Variants in FAM200A observed in about 807,000 individuals in gnomAD.
The protein encoded by FAM200A is ZBED8 like.
FAM200A carries 26 observed loss-of-function variants against 44.2 expected under a neutral mutation model. That is an observed-to-expected ratio of 0.59 (90% CI 0.43 to 0.82). The LOEUF (loss-of-function observed/expected upper bound fraction) is 0.82. Among genes scored for constraint, FAM200A ranks in the 40% least tolerant of loss-of-function variants. The pLI is 0.00. For missense variants in FAM200A, 606 were observed against 669.5 expected (o/e 0.91, Z 1.05); for synonymous variants, 206 against 244.4 (o/e 0.84, Z 1.47).
chr7:99,546,788 C>A lies in FAM200A; in HGVS notation c.1620G>T (p.Lys540Asn), dbSNP rs759711309. 12 of 1,551,492 alleles carry A rather than the reference C, an allele frequency of 7.7e-6. No homozygotes were observed. In the South Asian group the frequency reaches 1.2e-4, roughly 15 times the overall value. The change falls in exon 2 of 2, where the codon AAG becomes AAT. Residue 540 changes from lysine to asparagine, a missense_variant. Lys to Asn is a moderately conservative substitution (Grantham distance 94). Transcript: ENST00000449309. ...CTGGTGCACTATTGAGCCTATTTCT[C>A]TTCTTTGTTTTTAACCGTGTCAAGA... ...FSILTRLKTKKRNRLNSAPDM... is the reference protein window; with the variant it reads ...FSILTRLKTKNRNRLNSAPDM...
chr7:99,552,972 C>CATATATATATATATATATATATATAT (rs1328337099), upstream of FAM200A, among the ~76,000 whole-genome samples: 1 of 143,528 alleles, frequency 7.0e-6, no homozygotes, highest in African/African-American at 2.6e-5. Flanking sequence ...ATCTTTGCTC[C>CATATATATATATATATATATATATAT]ATATATATAT....
At chr7:99,550,429 T>C (rs1269078669) in intron 1 of FAM200A, among the ~76,000 whole-genome samples, 1 of 152,130 alleles carries the variant, frequency 6.6e-6, no homozygotes, top group Non-Finnish European at 1.5e-5. Flanking sequence ...TTTTCTTTGG[T>C]ACTGTGTCAC....
upstream of FAM200A, among the ~76,000 whole-genome samples, chr7:99,556,918 C>T (rs1471655516): frequency 6.6e-6 from 1 of 152,150 alleles, no homozygotes; most frequent in Non-Finnish European, 1.5e-5. Flanking sequence ...CACCTGTAAT[C>T]CCATCTACTC....
At chr7:99,550,379 G>C (rs1329887599) in intron 1 of FAM200A, among the ~76,000 whole-genome samples, 1 of 152,132 alleles carries the variant, frequency 6.6e-6, no homozygotes. Flanking sequence ...AAAGTGCTGG[G>C]ATTACAAGCC....
At position 99,548,315 on chromosome 7, in the gene FAM200A, A is replaced by G. The variant is rs750490086; in HGVS notation, c.93T>C (p.Asp31=). 1.9e-6 allele frequency: 3 copies of G among 1,614,150 alleles called. No individual in the cohort carries two copies. Among genetic ancestry groups the G allele is most frequent in the Non-Finnish European group, 2.5e-6 (3 of 1,180,026 alleles). The change falls in exon 2 of 2, where the codon GAT becomes GAC. Residue 31 remains aspartate, a synonymous_variant. Coordinates refer to ENST00000449309, the MANE Select transcript of FAM200A (RefSeq NM_145111.4). Reference sequence around the variant, plus strand: ...TTTCCTTTTGAAAATGGTCTTCTTCATCTTCCTCCTCCACCTTCACTATCA... The same window carrying G: ...TTTCCTTTTGAAAATGGTCTTCTTCGTCTTCCTCCTCCACCTTCACTATCA... ...GIVIVKVEEE[D]EEDHFQKERN... is the part of the protein sequence containing the mutation.
chr7:99,555,502 G>C (rs1030278102), upstream of FAM200A, among the ~76,000 whole-genome samples: 22 of 152,176 alleles, frequency 1.4e-4, no homozygotes, highest in African/African-American at 5.1e-4. Context: ...GGGTTTGCCA[G>C]CAACTCCATA....
At position 99,548,313 on chromosome 7, in the gene FAM200A, T is replaced by C; in HGVS notation, c.95A>G (p.Glu32Gly). 1 of 1,614,208 alleles carries C rather than the reference T, an allele frequency of 6.2e-7. No homozygotes were observed. The highest frequency in any genetic ancestry group is 8.5e-7 in the Non-Finnish European group (1 of 1,180,046). Residue 32 changes from glutamate to glycine, a missense_variant, in exon 2 of 2, where the codon GAA becomes GGA. Transcript: ENST00000449309. ...TCTTTCCTTTTGAAAATGGTCTTCT[T>C]CATCTTCCTCCTCCACCTTCACTAT... ...IVIVKVEEED[E>G]EDHFQKERNK...
Position 99,547,654 on chromosome 7 carries a change from C to T in FAM200A, c.754G>A (p.Glu252Lys). ...FIHREALVSK[E>K]ISPSLMDVLK... ...ACATCCATCAGACTTGGTGAAATTT[C>T]TTTGGATACCAAAGCTTCTCGATGA... Residue 252 changes from glutamate (E) to lysine (K), a missense_variant, in exon 2 of 2, where the codon GAA (glutamate) becomes AAA (lysine). Physicochemically the swap from Glu to Lys is moderately conservative, Grantham distance 56. Coordinates refer to ENST00000449309, the MANE Select transcript of FAM200A (RefSeq NM_145111.4). 1 of 1,551,162 alleles carries T rather than the reference C, an allele frequency of 6.4e-7. No individual in the cohort carries two copies. The highest frequency in any genetic ancestry group is 8.7e-7 in the Non-Finnish European group (1 of 1,146,862).
At chr7:99,556,620 G>GA (rs761220866), upstream of FAM200A, among the ~76,000 whole-genome samples, 40 of 151,444 alleles carry the variant, frequency 2.6e-4, no homozygotes, top group Non-Finnish European at 5.2e-4. Context: ...GTACCTTTAG[G>GA]AAAAAAATCT....
chr7:99,548,964 C>G (rs1412497455), intron 1 of FAM200A, among the ~76,000 whole-genome samples: 2 of 111,650 alleles, frequency 1.8e-5, no homozygotes, highest in Non-Finnish European at 3.8e-5. Context: ...ACTGCAACCT[C>G]CACTTCCCAG....
At chr7:99,552,374 AAT>A (rs1243815445), upstream of FAM200A, among the ~76,000 whole-genome samples, 6 of 152,146 alleles carry the variant, frequency 3.9e-5, no homozygotes, top group East Asian at 9.6e-4. Context: ...TTACAATAAA[AAT>A]AGTGATTGTC....
At chr7:99,553,668 CTGT>C (rs1254929969), upstream of FAM200A, among the ~76,000 whole-genome samples, 5 of 152,354 alleles carry the variant, frequency 3.3e-5, no homozygotes, top group East Asian at 9.6e-4. Context: ...GAGGCTACTC[CTGT>C]ATGCACATAG....
upstream of FAM200A, among the ~76,000 whole-genome samples, chr7:99,556,256 C>T (rs1357211031): frequency 6.6e-6 from 1 of 152,120 alleles, no homozygotes. Flanking sequence ...ATATATGGAC[C>T]ATCATGATGG....
Position 99,547,422 on chromosome 7 carries a change from G to T in FAM200A, c.986C>A (p.Ser329Tyr). The change falls in exon 2 of 2, where the codon TCT (serine) becomes TAT (tyrosine). Residue 329 changes from serine (S) to tyrosine (Y), a missense_variant. Transcript: ENST00000449309. ...GTCTTCAAAAATATTTGCCAAATGA[G>T]ATTGCTTTTCAACGAGAAAAATGTA... ...EIYIFLVEKQ[S>Y]HLANIFEDDI... The T allele has an allele frequency of 6.4e-7, 1 of 1,551,346 alleles. No homozygotes were observed. Among genetic ancestry groups the T allele is most frequent in the Non-Finnish European group, 8.7e-7 (1 of 1,146,916 alleles).
In FAM200A at chr7:99,552,110, G is replaced by C. The variant is rs908313596; in HGVS notation, c.-356C>G. On this transcript the variant is annotated 5_prime_UTR_variant, in exon 1 of 2. Coordinates refer to ENST00000449309, the MANE Select transcript of FAM200A (RefSeq NM_145111.4). ...CTGGCCTTCAGAGCCCAGGGAAAGC[G>C]TCACAAAAGCCGGAAGTGCGTCACA... is the stretch of plus-strand genomic sequence containing the variant. 2 of 985,354 alleles carry C rather than the reference G, an allele frequency of 2.0e-6. No individual in the cohort carries two copies. Among genetic ancestry groups the C allele is most frequent in the Admixed American group, 1.2e-4 (2 of 16,274 alleles). 61.0% of individuals were successfully genotyped at this position (985,354 alleles called of 1,614,324 possible). A position where few individuals can be genotyped will look rare whatever the true frequency, so the allele number is the denominator to read the frequency against.
intron 1 of FAM200A, among the ~76,000 whole-genome samples, chr7:99,551,335 G>A (rs1802524379): frequency 6.6e-6 from 1 of 151,938 alleles, no homozygotes; most frequent in East Asian, 2.0e-4. Context: ...AAGCAGCTGG[G>A]ATTACAGGCG....
In FAM200A at chr7:99,546,629, G is replaced by T; in HGVS notation, c.*57C>A. The T allele has an allele frequency of 1.4e-6, 2 of 1,445,440 alleles. No homozygotes were observed. Among genetic ancestry groups the T allele is most frequent in the South Asian group, 1.5e-5 (1 of 65,872 alleles). The allele number at this position is 1,445,440 out of a possible 1,614,324, so 89.5% of individuals were successfully genotyped here. Reference sequence around the variant, plus strand: ...GCCCACCTCGGTCTCCCACTGCTGGGATTACAGGCGTAAGCCACCACACCT... The same window carrying T: ...GCCCACCTCGGTCTCCCACTGCTGGTATTACAGGCGTAAGCCACCACACCT... On this transcript the variant is annotated 3_prime_UTR_variant, in exon 2 of 2. Coordinates refer to ENST00000449309, the MANE Select transcript of FAM200A (RefSeq NM_145111.4).
At position 99,548,483 on chromosome 7, in the gene FAM200A, T is replaced by C; in HGVS notation, c.-76A>G. 2 of 1,533,432 alleles carry C rather than the reference T, an allele frequency of 1.3e-6. No individual in the cohort carries two copies. The highest frequency in any genetic ancestry group is 1.7e-6 in the Non-Finnish European group (2 of 1,144,474). 95.0% of individuals were successfully genotyped at this position (1,533,432 alleles called of 1,614,324 possible). On this transcript the variant is annotated 5_prime_UTR_variant, in exon 2 of 2. Coordinates refer to ENST00000449309, the MANE Select transcript of FAM200A (RefSeq NM_145111.4). ...CAGGGCTGTCCTTTGTGACCTAGGTTTTATGAGATCAGGTTTTGCTATCCT... is the reference window on the plus strand; with the variant it reads ...CAGGGCTGTCCTTTGTGACCTAGGTCTTATGAGATCAGGTTTTGCTATCCT...
rs1802427753 is a variant in FAM200A, at chr7:99,547,939, A to G, written c.469T>C (p.Leu157=). 1 of 1,551,200 alleles carries G rather than the reference A, an allele frequency of 6.4e-7. No homozygotes were observed. The highest frequency in any genetic ancestry group is 1.4e-5 in the African/African-American group (1 of 73,058). ...STDIASCPTL[L]VYVRYVWQDD... ...TGCCACACATATCTGACATAAACCA[A>G]GAGTGTGGGACAACTTGCAATATCA... Residue 157 remains leucine (L), a synonymous_variant, in exon 2 of 2, where the codon TTG becomes CTG. Transcript: ENST00000449309.
Sources: gnomAD v4.1 joint callset for allele counts (sites outside exome capture counted in the v4.1 genomes callset) on GRCh38, gnomAD v4.1.1 for gene constraint, MANE v1.5 for transcripts, NCBI Gene and HGNC (gene_info 2026-07-23, HGNC 2026-07-21) for gene names.